The following CTNNBL1 variants were observed in gnomAD, a reference collection of about 807,000 sequenced individuals.
CTNNBL1 encodes beta-catenin-like protein 1.
A neutral mutation model predicts 72.7 loss-of-function variants in CTNNBL1; 31 were observed. That is an observed-to-expected ratio of 0.43 (90% confidence interval 0.32 to 0.58). The LOEUF is 0.58. CTNNBL1 is among the 20% of genes least tolerant of loss of function. The pLI is 0.08. For missense variants in CTNNBL1, 534 were observed against 725.1 expected (o/e 0.74, Z 3.03); for synonymous variants, 240 against 267.3 (o/e 0.90, Z 1.00).
At chr20:37,765,675 A>G (rs577226929) in intron 6 of CTNNBL1, among the ~76,000 whole-genome samples, 2 of 152,302 alleles carry the variant, frequency 1.3e-5, no homozygotes, top group South Asian at 4.2e-4. Context: ...TCTTTCATGG[A>G]ACTGCAAACT....
chr20:37,718,569 G>T (rs1321263698), intron 1 of CTNNBL1, among the ~76,000 whole-genome samples: 3 of 149,534 alleles, frequency 2.0e-5, no homozygotes, highest in African/African-American at 7.4e-5. Flanking sequence ...CCCCGACAGG[G>T]CGGATGGCCG....
intron 11 of CTNNBL1, among the ~76,000 whole-genome samples, chr20:37,830,920 G>A (rs2072203431): frequency 6.6e-6 from 1 of 152,180 alleles, no homozygotes; most frequent in East Asian, 1.9e-4. Context: ...TCTACTGAGT[G>A]CATATTGCAT....
At chr20:37,718,633 G>C (rs1030598450) in intron 1 of CTNNBL1, among the ~76,000 whole-genome samples, 1 of 152,072 alleles carries the variant, frequency 6.6e-6, no homozygotes, top group Non-Finnish European at 1.5e-5. Flanking sequence ...CTGGCCAGGC[G>C]GGGGGCTGAC....
Position 37,779,350 on chromosome 20 carries a change from C to T in CTNNBL1, c.1031+15C>T. On this transcript the variant is annotated intron_variant, in intron 10 of 15. Transcript: ENST00000361383. Reference sequence around the variant, plus strand: ...CTCATGCTCAGGTATGTTTCGAATGCCCTAGTTCTCCCACCTTTTTTGCCT... The same window carrying T: ...CTCATGCTCAGGTATGTTTCGAATGTCCTAGTTCTCCCACCTTTTTTGCCT... The T allele has an allele frequency of 6.2e-7, 1 of 1,609,126 alleles. No homozygotes were observed.
intron 1 of CTNNBL1, among the ~76,000 whole-genome samples, chr20:37,715,720 G>A (rs1329847893): frequency 6.6e-6 from 1 of 152,188 alleles, no homozygotes; most frequent in Non-Finnish European, 1.5e-5. Context: ...TGCGACAAGT[G>A]AGTAGAATTG....
intron 4 of CTNNBL1, chr20:37,757,170 C>T (rs559277411): frequency 6.5e-6 from 1 of 153,756 alleles, no homozygotes; most frequent in South Asian, 2.0e-4. Flanking sequence ...ATTATTACTG[C>T]CTTCAAAGGT....
At chr20:37,824,090 G>A (rs761939088) in intron 11 of CTNNBL1, among the ~76,000 whole-genome samples, 4 of 152,210 alleles carry the variant, frequency 2.6e-5, no homozygotes, top group Non-Finnish European at 5.9e-5. Context: ...CTTTAGATGA[G>A]CTATTGCTAA....
chr20:37,768,535 T>C (rs959794395), intron 7 of CTNNBL1, among the ~76,000 whole-genome samples: 1 of 152,226 alleles, frequency 6.6e-6, no homozygotes, highest in Non-Finnish European at 1.5e-5. Flanking sequence ...GGTAAGTTTG[T>C]AGTGTTATAA....
At position 37,745,095 on chromosome 20, in the gene CTNNBL1, A is replaced by G. The variant is rs140707573; in HGVS notation, c.327-1373A>G. ...CTTTCTCCGGTTTTCTACAAAAAGT[A>G]TACTGTAATTGGGAAAAAATATATA... On this transcript the variant is annotated intron_variant, in intron 3 of 15. Transcript: ENST00000361383. 9.7e-3 allele frequency among the ~76,000 whole-genome samples: 1,480 copies of G among 152,362 alleles called. 15 individuals carry two copies. Among genetic ancestry groups the G allele is most frequent in the Non-Finnish European group, 0.014 (941 of 68,030 alleles).
At chr20:37,793,571 G>A (rs1043375911) in intron 10 of CTNNBL1, among the ~76,000 whole-genome samples, 3 of 152,154 alleles carry the variant, frequency 2.0e-5, no homozygotes, top group Non-Finnish European at 4.4e-5. Flanking sequence ...GGTAATTAAG[G>A]TTAAATGAGG....
chr20:37,773,909 C>CTTTTTTTTTT (rs1176688817), intron 7 of CTNNBL1, among the ~76,000 whole-genome samples: 2 of 104,646 alleles, frequency 1.9e-5, no homozygotes, highest in African/African-American at 4.3e-5. Context: ...TTCTTTCTCT[C>CTTTTTTTTTT]TTTTTTTTTT....
At chr20:37,836,725 CA>C (rs1158603396) in intron 11 of CTNNBL1, among the ~76,000 whole-genome samples, 2 of 152,210 alleles carry the variant, frequency 1.3e-5, no homozygotes, top group Admixed American at 1.3e-4. Context: ...TTGCTAGGCA[CA>C]GAGGTAAACT....
intron 5 of CTNNBL1, among the ~76,000 whole-genome samples, chr20:37,762,151 A>G (rs1320031166): frequency 2.6e-5 from 4 of 152,234 alleles, no homozygotes; most frequent in Non-Finnish European, 5.9e-5. Context: ...CTAAAAGGTT[A>G]CAGCTAGGAT....
At chr20:37,751,982 T>C (rs1326709645) in intron 4 of CTNNBL1, among the ~76,000 whole-genome samples, 1 of 152,270 alleles carries the variant, frequency 6.6e-6, no homozygotes, top group Non-Finnish European at 1.5e-5. Flanking sequence ...TTGGAACCAA[T>C]TAAATGTGCT....
At chr20:37,846,898 C>G (rs2072351617) in intron 13 of CTNNBL1, among the ~76,000 whole-genome samples, 1 of 152,174 alleles carries the variant, frequency 6.6e-6, no homozygotes, top group Non-Finnish European at 1.5e-5. Flanking sequence ...TGCTTCAGAA[C>G]CTGTAATTAT....
At chr20:37,703,785 C>CT (rs768351287) in intron 1 of CTNNBL1, among the ~76,000 whole-genome samples, 5,473 of 138,164 alleles carry the variant, frequency 0.04, 303 homozygotes, top group African/African-American at 0.13. Context: ...AGGTTCTTTA[C>CT]TTTTTTTTTT....
At chr20:37,797,686 C>G (rs1266569481) in intron 10 of CTNNBL1, among the ~76,000 whole-genome samples, 1 of 152,146 alleles carries the variant, frequency 6.6e-6, no homozygotes, top group Non-Finnish European at 1.5e-5. Flanking sequence ...GTCTTTCTGC[C>G]TCTGATATTG....
chr20:37,782,757 T>C (rs554052438), intron 10 of CTNNBL1, among the ~76,000 whole-genome samples: 16 of 152,184 alleles, frequency 1.1e-4, no homozygotes, highest in Non-Finnish European at 2.1e-4. Flanking sequence ...TACATTTACA[T>C]CCCAATTCAG....
intron 1 of CTNNBL1, among the ~76,000 whole-genome samples, chr20:37,719,624 G>T (rs1345125905): frequency 6.6e-6 from 1 of 152,094 alleles, no homozygotes; most frequent in Non-Finnish European, 1.5e-5. Context: ...TCCCCTTCAT[G>T]TTCACAAGGG....
Sources: allele counts gnomAD v4.1 joint callset (sites outside exome capture counted in the v4.1 genomes callset), GRCh38; gene constraint gnomAD v4.1.1; transcripts MANE v1.5; gene names NCBI Gene and HGNC (gene_info 2026-07-23, HGNC 2026-07-21).